The following ABCC4 variants were observed in gnomAD, a reference collection of about 807,000 sequenced individuals.
ABCC4 encodes ATP binding cassette subfamily C member 4 (PEL blood group), also known as ATP-binding cassette sub-family C member 4.
In ABCC4, 102 loss-of-function variants were observed where a neutral mutation model predicts 168.5. That is an observed-to-expected ratio of 0.61 (90% CI 0.52 to 0.71). The LOEUF is 0.71. Among genes scored for constraint, ABCC4 ranks in the 30% least tolerant of loss-of-function variants. The probability of loss-of-function intolerance (pLI) is 0.00; values close to 1 mark genes in which losing one functional copy is unlikely to be tolerated. For synonymous variants in ABCC4, 617 were observed against 590.7 expected, an observed-to-expected ratio of 1.04 and a Z score of -0.65; for missense variants, 1,402 against 1,605.8, an observed-to-expected ratio of 0.87 and a Z score of 2.17.
intron 20 of ABCC4, among the ~76,000 whole-genome samples, chr13:95,108,614 G>A (rs2035089136): frequency 6.6e-6 from 1 of 151,818 alleles, no homozygotes; most frequent in Non-Finnish European, 1.5e-5. Flanking sequence ...CAGCCACATG[G>A]AACTGTGAGT....
chr13:95,140,765 T>C lies in ABCC4; in HGVS notation c.2455+20424A>G, dbSNP rs1238980865. Among the ~76,000 whole-genome samples, 5 of 152,244 alleles carry C rather than the reference T, an allele frequency of 3.3e-5. No individual in the cohort carries two copies. The East Asian group carries it at 9.6e-4, about 29-fold the overall frequency. On this transcript the variant is annotated intron_variant, in intron 19 of 30. Transcript: ENST00000645237. The stretch of plus-strand genomic sequence containing the variant: ...TCGATTTCTATGGCTAATTTTTTCA[T>C]ACTAGTTCTTCCCCTTTTTCCTCCA...
At chr13:95,035,217 T>A (rs1013149130) in intron 29 of ABCC4, among the ~76,000 whole-genome samples, 1 of 152,208 alleles carries the variant, frequency 6.6e-6, no homozygotes, top group Non-Finnish European at 1.5e-5. Context: ...GCCAGTTTCA[T>A]AGACTCTAAG....
At chr13:95,085,790 T>G in intron 20 of ABCC4, among the ~76,000 whole-genome samples, 1 of 152,234 alleles carries the variant, frequency 6.6e-6, no homozygotes, top group East Asian at 1.9e-4. Context: ...GTCATAAGCC[T>G]TGCTTATATC....
chr13:95,058,686 C>A (rs2950957), intron 26 of ABCC4, among the ~76,000 whole-genome samples: 1 of 152,046 alleles, frequency 6.6e-6, no homozygotes, highest in South Asian at 2.1e-4. Context: ...AAAAATTGAG[C>A]TGGATAGTTC....
At position 95,107,379 on chromosome 13, in the gene ABCC4, G is replaced by A. The variant is rs558108742; in HGVS notation, c.2535+8543C>T. Among the ~76,000 whole-genome samples the A allele has an allele frequency of 1.1e-4, 17 of 152,230 alleles. 1 individual carries two copies. The highest frequency in any genetic ancestry group is 2.2e-4 in the Non-Finnish European group (15 of 68,016). ...AATATTTATGCTGTGTACTGTATAT[G>A]TTTATAGTATTTAAATTTAACTCTT... On this transcript the variant is annotated intron_variant, in intron 20 of 30. Coordinates refer to ENST00000645237, the MANE Select transcript of ABCC4 (RefSeq NM_005845.5).
At chr13:95,079,595 G>T (rs992299783) in intron 21 of ABCC4, among the ~76,000 whole-genome samples, 1 of 152,200 alleles carries the variant, frequency 6.6e-6, no homozygotes, top group African/African-American at 2.4e-5. Flanking sequence ...AGCACTTTGG[G>T]AGGCTGAGGC....
At chr13:95,127,393 C>A (rs1011658803) in intron 19 of ABCC4, among the ~76,000 whole-genome samples, 1 of 152,170 alleles carries the variant, frequency 6.6e-6, no homozygotes, top group Non-Finnish European at 1.5e-5. Flanking sequence ...TCAAGCGATT[C>A]TCCTGCCTCA....
chr13:95,219,058 C>T (rs867632621), intron 4 of ABCC4, among the ~76,000 whole-genome samples: 17 of 151,918 alleles, frequency 1.1e-4, no homozygotes, highest in East Asian at 5.8e-4. Context: ...AAACCATTAG[C>T]GTTTCAATGA....
chr13:95,106,766 A>G (rs1307628086), intron 20 of ABCC4, among the ~76,000 whole-genome samples: 1 of 16,776 alleles, frequency 6.0e-5, no homozygotes, highest in African/African-American at 4.2e-4. Context: ...AGGGTTGTGA[A>G]ATCATGGCTG....
chr13:95,260,275 G>C (rs577610102), intron 1 of ABCC4, among the ~76,000 whole-genome samples: 1 of 152,254 alleles, frequency 6.6e-6, no homozygotes, highest in African/African-American at 2.4e-5. Flanking sequence ...TTACTGGGGA[G>C]TTTCTTGTTT....
intron 3 of ABCC4, among the ~76,000 whole-genome samples, chr13:95,241,349 A>C (rs2389224): frequency 0.56 from 83,352 of 148,364 alleles, 23,684 homozygotes; most frequent in African/African-American, 0.65. Flanking sequence ...TGGTGACAGA[A>C]TGAGACTCCA....
chr13:95,206,836 C>T (rs2038796926), intron 7 of ABCC4, 55 bp from the exon 8 acceptor site: 18 of 1,583,890 alleles, frequency 1.1e-5, no homozygotes, highest in Admixed American at 1.7e-5. Context: ...GATAAAGTGG[C>T]TCACGCCTGC....
At chr13:95,101,090 T>C (rs2034789921) in intron 20 of ABCC4, among the ~76,000 whole-genome samples, 1 of 152,158 alleles carries the variant, frequency 6.6e-6, no homozygotes, top group African/African-American at 2.4e-5. Context: ...ATGCAGCAGC[T>C]TTTTCTCCTG....
intron 4 of ABCC4, among the ~76,000 whole-genome samples, chr13:95,225,159 A>T (rs901938645): frequency 0.19 from 5,982 of 32,230 alleles, 146 homozygotes; most frequent in South Asian, 0.42. Flanking sequence ...TCTCTCACAC[A>T]CACACACACA....
chr13:95,154,258 G>A (rs1237644339), intron 19 of ABCC4, among the ~76,000 whole-genome samples: 1 of 152,126 alleles, frequency 6.6e-6, no homozygotes, highest in Non-Finnish European at 1.5e-5. Flanking sequence ...AACACAAAAA[G>A]CCTCTTAAAC....
intron 25 of ABCC4, among the ~76,000 whole-genome samples, chr13:95,069,960 C>G (rs959104792): frequency 6.6e-6 from 1 of 152,144 alleles, no homozygotes; most frequent in Non-Finnish European, 1.5e-5. Context: ...AAGAATCTGG[C>G]CAGGCATGGT....
intron 1 of ABCC4, 35 bp downstream of exon 1, chr13:95,301,206 C>T (rs2041671941): frequency 1.3e-6 from 2 of 1,563,080 alleles, no homozygotes; most frequent in Non-Finnish European, 1.7e-6. Context: ...GCGCCAGCGG[C>T]TGCAGGGTGA....
intron 13 of ABCC4, among the ~76,000 whole-genome samples, chr13:95,173,277 G>A (rs566104630): frequency 1.2e-4 from 18 of 152,210 alleles, no homozygotes; most frequent in Non-Finnish European, 2.1e-4. Context: ...CAATGGTCCC[G>A]GGGCACAAAT....
intron 1 of ABCC4, among the ~76,000 whole-genome samples, chr13:95,264,691 A>C (rs2040621555): frequency 6.6e-6 from 1 of 152,176 alleles, no homozygotes; most frequent in Non-Finnish European, 1.5e-5. Context: ...ATGAGCGCTA[A>C]ATACATTATA....
Sources: gnomAD v4.1 joint callset for allele counts (sites outside exome capture counted in the v4.1 genomes callset) on GRCh38, gnomAD v4.1.1 for gene constraint, MANE v1.5 for transcripts, NCBI Gene and HGNC (gene_info 2026-07-23, HGNC 2026-07-21) for gene names.